Variants in PREX2 observed in about 807,000 individuals in gnomAD.
PREX2 encodes the protein phosphatidylinositol-3,4,5-trisphosphate dependent Rac exchange factor 2.
Under a neutral mutation model 203.2 loss-of-function variants are expected in PREX2, and 107 were observed. The ratio of observed to expected loss-of-function variants is 0.53; its 90% CI spans 0.45 to 0.62. The LOEUF is 0.62. Among genes scored for constraint, PREX2 ranks in the 20% least tolerant of loss-of-function variants. The probability of loss-of-function intolerance (pLI) is 0.00; values close to 1 mark genes in which losing one functional copy is unlikely to be tolerated. For missense variants in PREX2, 1,777 were observed against 1,955.9 expected, an observed-to-expected ratio of 0.91 and a Z score of 1.72; for synonymous variants, 672 against 663.6, an observed-to-expected ratio of 1.01 and a Z score of -0.19.
chr8:68,196,558 G>A (rs1192694906), intron 37 of PREX2, among the ~76,000 whole-genome samples: 1 of 151,546 alleles, frequency 6.6e-6, no homozygotes, highest in African/African-American at 2.4e-5. Flanking sequence ...GAGTGATAGG[G>A]TTTGGATCTA....
intron 10 of PREX2, among the ~76,000 whole-genome samples, chr8:68,059,697 GGTGCT>G (rs1808786666): frequency 6.6e-6 from 1 of 152,254 alleles, no homozygotes. Context: ...CCAAAATCAA[GGTGCT>G]GGCCAGACGG....
intron 35 of PREX2, among the ~76,000 whole-genome samples, chr8:68,170,552 A>C (rs532427331): frequency 3.9e-5 from 6 of 152,308 alleles, no homozygotes; most frequent in African/African-American, 1.4e-4. Flanking sequence ...CCAGTGAATA[A>C]ACTGAGCTAG....
At chr8:68,046,346 GC>G (rs1164983177) in intron 8 of PREX2, among the ~76,000 whole-genome samples, 1 of 152,072 alleles carries the variant, frequency 6.6e-6, no homozygotes, top group Admixed American at 6.6e-5. Context: ...AGATGTAAGA[GC>G]CCAGGACCTT....
chr8:67,994,377 G>C (rs1320758209), intron 1 of PREX2, among the ~76,000 whole-genome samples: 1 of 152,176 alleles, frequency 6.6e-6, no homozygotes, highest in Non-Finnish European at 1.5e-5. Context: ...ACCTCAGTTG[G>C]AATCACCTTA....
In PREX2 at chr8:68,120,239, G is replaced by A. The variant is rs771550239; in HGVS notation, c.3548G>A (p.Arg1183Lys). 1 of 1,613,864 alleles carries A rather than the reference G, an allele frequency of 6.2e-7. No homozygotes were observed. Among genetic ancestry groups the A allele is most frequent in the Non-Finnish European group, 8.5e-7 (1 of 1,179,810 alleles). Residue 1183 changes from arginine to lysine, a missense_variant, in exon 29 of 40, where the codon AGG (arginine) becomes AAG (lysine). Coordinates refer to ENST00000288368, the MANE Select transcript of PREX2 (RefSeq NM_024870.4). ...CTCCTAAAAGGGCAGGCTGTTGTGA[G>A]GGCCTTTGACCAAACCAAGTATCTC... is the stretch of plus-strand genomic sequence containing the variant. ...TNLLKGQAVV[R>K]AFDQTKYLTP... is the part of the protein sequence containing the mutation.
At position 68,061,037 on chromosome 8, in the gene PREX2, A is replaced by G. The variant is rs191551377; in HGVS notation, c.1339+258A>G. Among the ~76,000 whole-genome samples, 14 of 152,232 alleles carry G rather than the reference A, an allele frequency of 9.2e-5. No individual in the cohort carries two copies. The East Asian group carries it at 2.5e-3, about 27-fold the overall frequency. ...GAGAAGTGGGATTGTGGAGGAAGGGATGGTTAGTTCTATAGTAATTAGAGT... is the reference window on the plus strand; with the variant it reads ...GAGAAGTGGGATTGTGGAGGAAGGGGTGGTTAGTTCTATAGTAATTAGAGT... On this transcript the variant is annotated intron_variant, in intron 11 of 39. Transcript: ENST00000288368.
At position 68,138,510 on chromosome 8, in the gene PREX2, G is replaced by T. The variant is rs1167388425; in HGVS notation, c.4080G>T (p.Leu1360=). Residue 1360 remains leucine, a synonymous_variant, in exon 33 of 40, where the codon CTG becomes CTT. Coordinates refer to ENST00000288368, the MANE Select transcript of PREX2 (RefSeq NM_024870.4). ...TTAAACCATCAGAAGAGGAACCTCT[G>T]GTTGCAAGTAAGTAATTAGGTATTT... The part of the protein sequence containing the change: ...FYFKPSEEEP[L]VANVPLTYQA... 1 of 1,563,284 alleles carries T rather than the reference G, an allele frequency of 6.4e-7. No homozygotes were observed. The highest frequency in any genetic ancestry group is 1.7e-5 in the Admixed American group (1 of 57,640).
chr8:67,966,323 C>T (rs1805778000), intron 1 of PREX2, among the ~76,000 whole-genome samples: 1 of 152,050 alleles, frequency 6.6e-6, no homozygotes, highest in Non-Finnish European at 1.5e-5. Context: ...ATATATCCTT[C>T]CTACAAATTA....
At chr8:68,017,791 C>A in intron 1 of PREX2, 55 bp from the exon 2 acceptor site, 1 of 1,401,656 alleles carries the variant, frequency 7.1e-7, no homozygotes, top group Non-Finnish European at 1.0e-6. Flanking sequence ...TACTCAACAC[C>A]CAGTCATTTT....
intron 25 of PREX2, among the ~76,000 whole-genome samples, chr8:68,112,085 A>G (rs1319597619): frequency 6.6e-6 from 1 of 152,194 alleles, no homozygotes; most frequent in Non-Finnish European, 1.5e-5. Flanking sequence ...CCTTTAACAC[A>G]TAGGCATTTC....
chr8:68,198,659 A>G (rs1278304462), intron 37 of PREX2, among the ~76,000 whole-genome samples: 1 of 152,138 alleles, frequency 6.6e-6, no homozygotes, highest in Non-Finnish European at 1.5e-5. Flanking sequence ...CAAAAATGCC[A>G]TTTTCCTCCC....
At position 68,025,103 on chromosome 8, in the gene PREX2, C is replaced by T. The variant is rs544457245; in HGVS notation, c.442-2119C>T. Among the ~76,000 whole-genome samples the T allele has an allele frequency of 7.9e-5, 12 of 152,014 alleles. 1 individual carries two copies. In the South Asian group the frequency reaches 2.3e-3, roughly 29 times the overall value. ...ACCATCTCTGGTGCTCTTATTTCTT[C>T]CTGTGTATTTGACTCTGATATTAGG... On this transcript the variant is annotated intron_variant, in intron 4 of 39. Coordinates refer to ENST00000288368, the MANE Select transcript of PREX2 (RefSeq NM_024870.4).
At chr8:68,012,249 C>A (rs1005952794) in intron 1 of PREX2, among the ~76,000 whole-genome samples, 1 of 152,120 alleles carries the variant, frequency 6.6e-6, no homozygotes, top group Non-Finnish European at 1.5e-5. Context: ...ATCGTCACAT[C>A]TTGGTCAAGT....
intron 9 of PREX2, among the ~76,000 whole-genome samples, chr8:68,053,584 T>C (rs897356311): frequency 1.6e-4 from 25 of 152,202 alleles, no homozygotes; most frequent in African/African-American, 6.0e-4. Flanking sequence ...TGCATTTTAT[T>C]CTTGCTATTT....
chr8:68,211,128 T>G (rs1216163752), intron 37 of PREX2, among the ~76,000 whole-genome samples: 1 of 152,178 alleles, frequency 6.6e-6, no homozygotes, highest in African/African-American at 2.4e-5. Flanking sequence ...TACAGTTTGC[T>G]GTGTAAAATA....
intron 39 of PREX2, among the ~76,000 whole-genome samples, chr8:68,229,093 G>A (rs1398512108): frequency 1.3e-5 from 2 of 152,016 alleles, no homozygotes; most frequent in Non-Finnish European, 2.9e-5. Context: ...CTTTAACCTT[G>A]AAAGAGGCGT....
chr8:68,122,621 A>G (rs1022561532), intron 30 of PREX2, among the ~76,000 whole-genome samples: 7 of 152,076 alleles, frequency 4.6e-5, no homozygotes, highest in African/African-American at 1.7e-4. Context: ...AGGTAAATGC[A>G]TATTGGCTAG....
intron 1 of PREX2, among the ~76,000 whole-genome samples, chr8:67,968,315 T>C (rs1805832536): frequency 6.6e-6 from 1 of 152,122 alleles, no homozygotes; most frequent in Admixed American, 6.6e-5. Context: ...TTGACTAAAT[T>C]GTTAATAGAA....
At position 68,118,616 on chromosome 8, in the gene PREX2, G is replaced by T; in HGVS notation, c.3393G>T (p.Ser1131=). The change falls in exon 27 of 40, where the codon TCG becomes TCT. Residue 1131 remains serine (S), a synonymous_variant. Transcript: ENST00000288368. The part of the protein sequence containing the change: ...FTSICSSQCS[S]YFHSDEMDSG... ...GCATCTGCAGCAGCCAGTGCAGCTC[G>T]TATTTCCACAGTGATGAAATGGACT... 6.2e-7 allele frequency: 1 copy of T among 1,613,902 alleles called. No homozygotes were observed. The highest frequency in any genetic ancestry group is 2.2e-5 in the East Asian group (1 of 44,870).
Sources: allele counts gnomAD v4.1 joint callset (sites outside exome capture counted in the v4.1 genomes callset), GRCh38; gene constraint gnomAD v4.1.1; transcripts MANE v1.5; gene names NCBI Gene and HGNC (gene_info 2026-07-23, HGNC 2026-07-21).